The following HHAT variants were observed in gnomAD, a reference collection of about 807,000 sequenced individuals.
HHAT encodes the protein hedgehog acyltransferase.
In HHAT, 47 loss-of-function variants were observed where a neutral mutation model predicts 70.8. The ratio of observed to expected loss-of-function variants is 0.66; its 90% CI spans 0.53 to 0.85. The LOEUF is 0.85. HHAT is among the 40% of genes least tolerant of loss of function. The pLI is 0.00. For missense variants in HHAT, 609 were observed against 604.8 expected, an observed-to-expected ratio of 1.01 and a Z score of -0.07; for synonymous variants, 228 against 247.6, an observed-to-expected ratio of 0.92 and a Z score of 0.74.
At chr1:210,673,170 T>A (rs949209725) in intron 11 of HHAT, among the ~76,000 whole-genome samples, 1 of 152,188 alleles carries the variant, frequency 6.6e-6, no homozygotes, top group South Asian at 2.1e-4. Context: ...GGCGCCTTCC[T>A]GTCTCATTGC....
intron 4 of HHAT, among the ~76,000 whole-genome samples, chr1:210,393,901 G>A (rs1227404570): frequency 6.6e-6 from 1 of 152,170 alleles, no homozygotes; most frequent in South Asian, 2.1e-4. Context: ...ATGAACCACA[G>A]CGTTGGCCTC....
At chr1:210,371,261 C>T (rs1188876214) in intron 3 of HHAT, among the ~76,000 whole-genome samples, 2 of 152,214 alleles carry the variant, frequency 1.3e-5, no homozygotes, top group African/African-American at 2.4e-5. Context: ...AAGCGATTCT[C>T]GTGCCTCAGC....
chr1:210,327,337 A>T (rs1373401159), upstream of HHAT, among the ~76,000 whole-genome samples: 1 of 142,868 alleles, frequency 7.0e-6, no homozygotes, highest in African/African-American at 2.6e-5. Context: ...GAGTTTCATC[A>T]TGTTGGCCAG....
chr1:210,457,790 C>A (rs148569213), intron 7 of HHAT, among the ~76,000 whole-genome samples: 7 of 152,116 alleles, frequency 4.6e-5, no homozygotes, highest in African/African-American at 1.7e-4. Flanking sequence ...ACTACTCAGA[C>A]CCTTGTGTTT....
intron 7 of HHAT, among the ~76,000 whole-genome samples, chr1:210,452,836 C>T (rs1385809771): frequency 2.6e-5 from 4 of 151,974 alleles, no homozygotes; most frequent in East Asian, 3.9e-4. Flanking sequence ...TGAGAGTGAG[C>T]GAGGAGATAG....
At chr1:210,512,740 C>T (rs570920201) in intron 8 of HHAT, among the ~76,000 whole-genome samples, 6 of 147,214 alleles carry the variant, frequency 4.1e-5, no homozygotes, top group African/African-American at 1.3e-4. Context: ...TTTAAGTGAA[C>T]ATCTGAGACA....
chr1:210,549,519 T>A (rs1462667548), intron 9 of HHAT, among the ~76,000 whole-genome samples: 1 of 148,706 alleles, frequency 6.7e-6, no homozygotes, highest in Admixed American at 6.9e-5. Flanking sequence ...AGTCAGTCAG[T>A]GCTCAAAGGC....
chr1:210,408,374 G>C (rs2092412902), intron 6 of HHAT, among the ~76,000 whole-genome samples: 1 of 152,028 alleles, frequency 6.6e-6, no homozygotes, highest in African/African-American at 2.4e-5. Flanking sequence ...GTAGAGATGG[G>C]GTTTTACCAT....
chr1:210,374,580 C>G, intron 3 of HHAT, among the ~76,000 whole-genome samples: 1 of 152,144 alleles, frequency 6.6e-6, no homozygotes, highest in East Asian at 1.9e-4. Context: ...TAGCTGAGTT[C>G]TAAATCCCAT....
At chr1:210,459,500 C>T (rs899300363) in intron 7 of HHAT, among the ~76,000 whole-genome samples, 2 of 152,064 alleles carry the variant, frequency 1.3e-5, no homozygotes, top group Non-Finnish European at 2.9e-5. Flanking sequence ...CAACTGTGGT[C>T]TGATAGGATA....
At chr1:210,490,146 T>C (rs1388301646) in intron 8 of HHAT, among the ~76,000 whole-genome samples, 1 of 152,236 alleles carries the variant, frequency 6.6e-6, no homozygotes, top group African/African-American at 2.4e-5. Flanking sequence ...ATCTGAGCTT[T>C]GCTCCCTGAT....
At chr1:210,557,422 A>T (rs2095582534) in intron 9 of HHAT, among the ~76,000 whole-genome samples, 1 of 152,144 alleles carries the variant, frequency 6.6e-6, no homozygotes, top group Non-Finnish European at 1.5e-5. Flanking sequence ...TGACGATCAG[A>T]ACCTAAGTTG....
intron 10 of HHAT, among the ~76,000 whole-genome samples, chr1:210,612,517 T>A (rs1558273066): frequency 6.6e-6 from 1 of 152,220 alleles, no homozygotes; most frequent in Non-Finnish European, 1.5e-5. Flanking sequence ...TGCCATTTTA[T>A]GTATATATTA....
At chr1:210,535,249 T>C (rs910743539) in intron 9 of HHAT, among the ~76,000 whole-genome samples, 5 of 152,146 alleles carry the variant, frequency 3.3e-5, no homozygotes, top group African/African-American at 1.2e-4. Flanking sequence ...AGGCTCCAGT[T>C]CCTCATTTGC....
intron 11 of HHAT, among the ~76,000 whole-genome samples, chr1:210,644,378 G>A (rs187114769): frequency 1.1e-3 from 162 of 152,138 alleles, no homozygotes; most frequent in African/African-American, 3.7e-3. Flanking sequence ...CAACGCAGGC[G>A]GATCACCTGA....
At chr1:210,530,611 C>T (rs561289483) in intron 9 of HHAT, among the ~76,000 whole-genome samples, 3 of 152,056 alleles carry the variant, frequency 2.0e-5, no homozygotes, top group African/African-American at 4.8e-5. Context: ...AGACAAAGGC[C>T]GGGAGAGATG....
At chr1:210,486,621 C>T (rs955562432) in intron 8 of HHAT, among the ~76,000 whole-genome samples, 1 of 152,158 alleles carries the variant, frequency 6.6e-6, no homozygotes, top group Non-Finnish European at 1.5e-5. Flanking sequence ...GTTTCCTATA[C>T]GTCAGGCTAA....
At chr1:210,397,823 A>G (rs2091876046) in intron 4 of HHAT, among the ~76,000 whole-genome samples, 1 of 152,138 alleles carries the variant, frequency 6.6e-6, no homozygotes, top group African/African-American at 2.4e-5. Flanking sequence ...TCACCCTTTT[A>G]TCCTAGAACC....
chr1:210,482,401 C>T (rs1202531861), intron 8 of HHAT, among the ~76,000 whole-genome samples: 2 of 152,184 alleles, frequency 1.3e-5, no homozygotes, highest in Non-Finnish European at 2.9e-5. Flanking sequence ...TTTAGTTTCT[C>T]TAACGCAATT....
Sources: allele counts gnomAD v4.1 joint callset (sites outside exome capture counted in the v4.1 genomes callset), GRCh38; gene constraint gnomAD v4.1.1; transcripts MANE v1.5; gene names NCBI Gene and HGNC (gene_info 2026-07-23, HGNC 2026-07-21).